Variants in TCP11L2 observed in about 807,000 individuals in gnomAD.
TCP11L2 encodes the protein t-complex 11 like 2.
In TCP11L2, 39 loss-of-function variants were observed where a neutral mutation model predicts 50.7. The ratio of observed to expected loss-of-function variants is 0.77; its 90% CI spans 0.60 to 1.01. TCP11L2 has a LOEUF of 1.01. TCP11L2 is among the 50% of genes least tolerant of loss of function. TCP11L2 has a pLI of 0.00. For synonymous variants in TCP11L2, 192 were observed against 219.3 expected, an observed-to-expected ratio of 0.88 and a Z score of 1.10; for missense variants, 612 against 614.7, an observed-to-expected ratio of 1.00 and a Z score of 0.05.
intron 3 of TCP11L2, among the ~76,000 whole-genome samples, chr12:106,316,806 G>T (rs2035104481): frequency 6.6e-6 from 1 of 152,064 alleles, no homozygotes; most frequent in African/African-American, 2.4e-5. Context: ...TACACATATT[G>T]GATGTTTAAT....
At chr12:106,311,404 C>G (rs2034849935) in intron 2 of TCP11L2, among the ~76,000 whole-genome samples, 172 bp downstream of exon 2, 1 of 152,184 alleles carries the variant, frequency 6.6e-6, no homozygotes, top group Non-Finnish European at 1.5e-5. Flanking sequence ...CAGAAATAGC[C>G]ACTAAAGTTT....
intron 6 of TCP11L2, chr12:106,325,693 G>A (rs543070146): frequency 1.1e-4 from 17 of 152,296 alleles, no homozygotes; most frequent in African/African-American, 3.9e-4. Flanking sequence ...AGGAGTTCAA[G>A]ACCAGCCTGG....
intron 9 of TCP11L2, among the ~76,000 whole-genome samples, chr12:106,345,923 C>T (rs1241751134): frequency 6.6e-6 from 1 of 152,152 alleles, no homozygotes; most frequent in African/African-American, 2.4e-5. Flanking sequence ...GTTTCCCTCT[C>T]CTTGGTCTCT....
rs548690630 is a variant in TCP11L2 at position 106,346,442 on chromosome 12, A to G, written c.1472A>G (p.Tyr491Cys). 5.0e-6 allele frequency: 8 copies of G among 1,614,200 alleles called. No homozygotes were observed. The Admixed American group carries it at 1.2e-4, about 24-fold the overall frequency. ...ANIVNLNKQVYGPFYANILRK... is the reference protein window; with the variant it reads ...ANIVNLNKQVCGPFYANILRK... ...ATTGTGAATCTCAACAAACAAGTGT[A>G]TGGACCATTTTATGCAAATATACTT... is the stretch of plus-strand genomic sequence containing the variant. The change falls in exon 10 of 10, where the codon TAT becomes TGT. Residue 491 changes from tyrosine to cysteine, a missense_variant. Physicochemically the swap from Tyr to Cys is radical, Grantham distance 194. Coordinates refer to ENST00000299045, the MANE Select transcript of TCP11L2 (RefSeq NM_152772.3).
chr12:106,340,582 T>G (rs1340054378), intron 8 of TCP11L2, among the ~76,000 whole-genome samples: 1 of 152,242 alleles, frequency 6.6e-6, no homozygotes, highest in Admixed American at 6.5e-5. Flanking sequence ...GACCACATTT[T>G]CTGCTTATGC....
At chr12:106,343,300 G>T (rs2036142068) in intron 9 of TCP11L2, among the ~76,000 whole-genome samples, 4 of 152,196 alleles carry the variant, frequency 2.6e-5, no homozygotes, top group Admixed American at 6.5e-5. Context: ...TATCTGTGAT[G>T]ATATAGACCT....
Position 106,340,855 on chromosome 12 carries a change from C to G in TCP11L2, c.1172C>G (p.Ser391Cys). ...TTTAACTTGAAGGAAGTCCTGAATT[C>G]TATTGGTATTCAGACTTGTGTTGAG... The part of the protein sequence containing the change: ...ETFNLKEVLN[S>C]IGIQTCVEVN... The change falls in exon 9 of 10, where the codon TCT becomes TGT. Residue 391 changes from serine (S) to cysteine (C), a missense_variant. Ser to Cys is a moderately radical substitution (Grantham distance 112). Transcript: ENST00000299045. 1 of 1,605,924 alleles carries G rather than the reference C, an allele frequency of 6.2e-7. No individual in the cohort carries two copies. The highest frequency in any genetic ancestry group is 1.1e-5 in the South Asian group (1 of 88,706).
upstream of TCP11L2, among the ~76,000 whole-genome samples, chr12:106,300,708 T>C (rs2034394232): frequency 6.6e-6 from 1 of 152,198 alleles, no homozygotes; most frequent in Non-Finnish European, 1.5e-5. Context: ...TAGCAAGTTA[T>C]TTAACATTAA....
chr12:106,332,538 G>C (rs867832085), intron 6 of TCP11L2, among the ~76,000 whole-genome samples: 1 of 152,180 alleles, frequency 6.6e-6, no homozygotes, highest in African/African-American at 2.4e-5. Context: ...AATCTCAAAG[G>C]GTTATTTTGC....
intron 2 of TCP11L2, among the ~76,000 whole-genome samples, chr12:106,311,473 G>A (rs962698770): frequency 6.6e-6 from 1 of 152,184 alleles, no homozygotes; most frequent in Non-Finnish European, 1.5e-5. Flanking sequence ...CTGATGATAA[G>A]TCAGGACTTC....
chr12:106,323,256 A>T (rs1319585694), intron 5 of TCP11L2, among the ~76,000 whole-genome samples: 1 of 152,146 alleles, frequency 6.6e-6, no homozygotes, highest in African/African-American at 2.4e-5. Context: ...TTCAAATGAA[A>T]ATTCCTTCTT....
chr12:106,326,740 G>A lies in TCP11L2; in HGVS notation c.772+3094G>A, dbSNP rs184971973. 1.0e-3 allele frequency among the ~76,000 whole-genome samples: 157 copies of A among 152,272 alleles called. 4 individuals carry two copies. In the East Asian group the frequency reaches 0.017, roughly 16 times the overall value. On this transcript the variant is annotated intron_variant, in intron 6 of 9. Transcript: ENST00000299045. Reference sequence around the variant, plus strand: ...CAAAGCGTGTGCATTTAGATACTGTGCAACCCTGCCTCTCTTCAAACAAGA... The same window carrying A: ...CAAAGCGTGTGCATTTAGATACTGTACAACCCTGCCTCTCTTCAAACAAGA...
intron 6 of TCP11L2, among the ~76,000 whole-genome samples, chr12:106,333,226 G>C (rs758556715): frequency 7.2e-5 from 11 of 152,074 alleles, no homozygotes; most frequent in Non-Finnish European, 1.5e-4. Context: ...GGGGCAGCTG[G>C]GTGAAGGGTA....
chr12:106,328,839 G>C (rs941128908), intron 6 of TCP11L2, among the ~76,000 whole-genome samples: 7 of 152,124 alleles, frequency 4.6e-5, no homozygotes, highest in South Asian at 4.1e-4. Context: ...GGATAGCAAG[G>C]CTCCATTGTC....
chr12:106,342,418 T>C (rs2036116754), intron 9 of TCP11L2, among the ~76,000 whole-genome samples: 1 of 152,182 alleles, frequency 6.6e-6, no homozygotes, highest in Non-Finnish European at 1.5e-5. Flanking sequence ...CTTATCTATA[T>C]ACCTTCACAT....
At chr12:106,337,041 T>C (rs568503901) in intron 8 of TCP11L2, among the ~76,000 whole-genome samples, 22 of 149,082 alleles carry the variant, frequency 1.5e-4, no homozygotes, top group African/African-American at 4.7e-4. Flanking sequence ...AGATTTTGCA[T>C]TTACATCATC....
At chr12:106,317,089 A>T (rs1233469349) in intron 3 of TCP11L2, among the ~76,000 whole-genome samples, 1 of 152,250 alleles carries the variant, frequency 6.6e-6, no homozygotes, top group Admixed American at 6.5e-5. Context: ...TCACTAGCAT[A>T]AAAGTGCCTT....
intron 1 of TCP11L2, 108 bp from the exon 2 acceptor site, chr12:106,310,933 T>A: frequency 9.7e-7 from 1 of 1,025,992 alleles, no homozygotes. Flanking sequence ...TGGGGGCCTT[T>A]CCAACACAGT....
intron 4 of TCP11L2, among the ~76,000 whole-genome samples, chr12:106,318,914 A>AT (rs1416324567): frequency 2.3e-5 from 3 of 127,854 alleles, no homozygotes; most frequent in Admixed American, 1.5e-4. Flanking sequence ...TTTTTTTTTT[A>AT]TTTTTTTTGA....
Sources: allele counts gnomAD v4.1 joint callset (sites outside exome capture counted in the v4.1 genomes callset), GRCh38; gene constraint gnomAD v4.1.1; transcripts MANE v1.5; gene names NCBI Gene and HGNC (gene_info 2026-07-23, HGNC 2026-07-21).